SV2B: variants seen among roughly 807,000 people sequenced by gnomAD.
SV2B encodes the protein solute carrier family 22 member B2.
Under a neutral mutation model 73.9 loss-of-function variants are expected in SV2B, and 41 were observed. That is an observed-to-expected ratio of 0.56 (90% confidence interval 0.43 to 0.72). SV2B has a LOEUF of 0.72. SV2B is among the 30% of genes least tolerant of loss of function. The pLI is 0.00. For missense variants in SV2B, 764 were observed against 857.8 expected, an observed-to-expected ratio of 0.89 and a Z score of 1.37; for synonymous variants, 314 against 314.2, an observed-to-expected ratio of 1.00 and a Z score of 0.01.
intron 1 of SV2B, among the ~76,000 whole-genome samples, chr15:91,151,567 T>C (rs768777249): frequency 2.0e-5 from 3 of 152,218 alleles, no homozygotes; most frequent in South Asian, 2.1e-4. Context: ...CAGGGAAAGA[T>C]AGAATTATTC....
In SV2B at chr15:91,229,475, T is replaced by G. The variant is rs2046490732; in HGVS notation, c.451+2761T>G. 6.6e-6 allele frequency among the ~76,000 whole-genome samples: 1 copy of G among 152,214 alleles called. No individual in the cohort carries two copies. Among genetic ancestry groups the G allele is most frequent in the Non-Finnish European group, 1.5e-5 (1 of 68,040 alleles). ...TCGGGCATTTGCAGTGAACTATAGC[T>G]GCAGTGAGATGACGAAGCAACGTGG... On this transcript the variant is annotated intron_variant, in intron 2 of 12. Transcript: ENST00000394232. This position sits in a 1 kb window ranked among gnomAD's most constrained non-coding sequence, Gnocchi z 4.3.
Position 91,293,284 on chromosome 15 carries a change from C to T in SV2B, c.*732C>T. ...TATAACTTTATTTGGGTTTAATTTC[C>T]ACAACTGGTATCTGCAAATATTGCC... On this transcript the variant is annotated 3_prime_UTR_variant, in exon 13 of 13. Transcript: ENST00000394232. 1 of 152,078 alleles carries T rather than the reference C, an allele frequency of 6.6e-6. No homozygotes were observed. The highest frequency in any genetic ancestry group is 6.5e-5 in the Admixed American group (1 of 15,274). 9.4% of individuals were successfully genotyped at this position (152,078 alleles called of 1,614,324 possible). A position where few individuals can be genotyped will look rare whatever the true frequency, so the allele number is the denominator to read the frequency against.
intron 9 of SV2B, among the ~76,000 whole-genome samples, chr15:91,278,539 CGCGGTG>C (rs1449992797): frequency 1.3e-5 from 2 of 149,862 alleles, no homozygotes; most frequent in Non-Finnish European, 3.0e-5. Flanking sequence ...ATTAGCCGGG[CGCGGTG>C]GCGGGTGCCT....
Position 91,248,453 on chromosome 15 carries a change from A to G in SV2B, c.452-3366A>G, listed in dbSNP as rs1011098992. Among the ~76,000 whole-genome samples the G allele has an allele frequency of 3.9e-5, 6 of 152,216 alleles. No homozygotes were observed. The East Asian group carries it at 1.2e-3, about 29-fold the overall frequency. The stretch of plus-strand genomic sequence containing the variant: ...CAGTACTTCATCTTTCATTATTTAC[A>G]TTTTTAAAAAATTAATTTAAAATTA... On this transcript the variant is annotated intron_variant, in intron 2 of 12. Transcript: ENST00000394232.
At chr15:91,116,269 C>A (rs896897830) in intron 1 of SV2B, among the ~76,000 whole-genome samples, 1 of 152,124 alleles carries the variant, frequency 6.6e-6, no homozygotes, top group Non-Finnish European at 1.5e-5. Context: ...AGTGGGTGGC[C>A]TTCATTTGTG....
At chr15:91,112,809 T>C (rs1488077104) in intron 1 of SV2B, among the ~76,000 whole-genome samples, 1 of 152,160 alleles carries the variant, frequency 6.6e-6, no homozygotes. Flanking sequence ...TTATGTAGCA[T>C]TTTGAATTCT....
At chr15:91,189,760 G>A (rs1013469929) in intron 1 of SV2B, among the ~76,000 whole-genome samples, 2 of 152,182 alleles carry the variant, frequency 1.3e-5, no homozygotes, top group Non-Finnish European at 2.9e-5. Flanking sequence ...AGGCCGAGGC[G>A]GATGGATCAC....
intron 7 of SV2B, 172 bp downstream of exon 7, chr15:91,266,864 G>C: frequency 1.9e-6 from 1 of 514,030 alleles, no homozygotes; most frequent in South Asian, 3.1e-5. Flanking sequence ...CCTCTAGCTT[G>C]CTGTGTGCCC....
chr15:91,104,080 A>G (rs534038950), intron 1 of SV2B, among the ~76,000 whole-genome samples: 35 of 152,336 alleles, frequency 2.3e-4, no homozygotes, highest in African/African-American at 8.4e-4. Context: ...GACTGATTAC[A>G]TGCTTTAGGG....
At chr15:91,270,690 ACTTTG>A (rs2048262162) in intron 9 of SV2B, among the ~76,000 whole-genome samples, 1 of 152,160 alleles carries the variant, frequency 6.6e-6, no homozygotes, top group Non-Finnish European at 1.5e-5. Context: ...TGTCATTTTA[ACTTTG>A]CTCAGCTTCT....
chr15:91,286,564 G>A (rs2048867676), intron 11 of SV2B, among the ~76,000 whole-genome samples: 1 of 152,156 alleles, frequency 6.6e-6, no homozygotes. Context: ...GGGAGAGGCA[G>A]ACTTCGACTA....
chr15:91,149,764 A>G (rs1356298302), intron 1 of SV2B, among the ~76,000 whole-genome samples: 1 of 152,224 alleles, frequency 6.6e-6, no homozygotes, highest in African/African-American at 2.4e-5. Context: ...AGCTTCAAAC[A>G]TCAGCATAGA....
Position 91,186,550 on chromosome 15 carries a change from A to G in SV2B, c.-391-39323A>G, listed in dbSNP as rs375350914. Among the ~76,000 whole-genome samples the G allele has an allele frequency of 1.9e-4, 29 of 152,312 alleles. No homozygotes were observed. The East Asian group carries it at 2.1e-3, about 11-fold the overall frequency. On this transcript the variant is annotated intron_variant, in intron 1 of 12. Transcript: ENST00000394232. ...ACCTACCAACAAGGTAGTTATCAAC[A>G]AGTTGTAGGGTTACATGAACAAGAA...
chr15:91,184,472 A>G (rs2044699015), intron 1 of SV2B, among the ~76,000 whole-genome samples: 1 of 152,190 alleles, frequency 6.6e-6, no homozygotes, highest in African/African-American at 2.4e-5. Flanking sequence ...TTCTTGGGGA[A>G]AAATTGGGCT....
At chr15:91,159,854 T>C (rs1318784676) in intron 1 of SV2B, among the ~76,000 whole-genome samples, 7 of 152,206 alleles carry the variant, frequency 4.6e-5, no homozygotes, top group Non-Finnish European at 1.0e-4. Flanking sequence ...TCTAAGTGTC[T>C]AAGTGAAAAA....
chr15:91,147,191 T>C (rs1161286377), intron 1 of SV2B, among the ~76,000 whole-genome samples: 1 of 152,264 alleles, frequency 6.6e-6, no homozygotes, highest in Non-Finnish European at 1.5e-5. Context: ...CCTAAAGGAA[T>C]GTGAACGTAT....
At chr15:91,113,157 A>G (rs572639418) in intron 1 of SV2B, among the ~76,000 whole-genome samples, 3 of 152,158 alleles carry the variant, frequency 2.0e-5, no homozygotes, top group African/African-American at 7.2e-5. Context: ...TTAAGTATGC[A>G]GTTTAGAAGC....
intron 9 of SV2B, among the ~76,000 whole-genome samples, chr15:91,275,112 G>C (rs1195208094): frequency 6.6e-6 from 1 of 152,030 alleles, no homozygotes; most frequent in Non-Finnish European, 1.5e-5. Flanking sequence ...CGTGTGTATA[G>C]AACATTTATA....
intron 1 of SV2B, among the ~76,000 whole-genome samples, chr15:91,149,763 C>T (rs1348054505): frequency 6.6e-6 from 1 of 152,204 alleles, no homozygotes; most frequent in Non-Finnish European, 1.5e-5. Context: ...CAGCTTCAAA[C>T]ATCAGCATAG....
Sources: gnomAD v4.1 joint callset for allele counts (sites outside exome capture counted in the v4.1 genomes callset) on GRCh38, gnomAD v4.1.1 for gene constraint, Gnocchi (gnomAD v3.1) non-coding constraint, MANE v1.5 for transcripts, NCBI Gene and HGNC (gene_info 2026-07-23, HGNC 2026-07-21) for gene names.